MTMR7: variants seen among roughly 807,000 people sequenced by gnomAD.
The protein encoded by MTMR7 is phosphatidylinositol-3-phosphate phosphatase MTMR7.
Under a neutral mutation model 81.2 loss-of-function variants are expected in MTMR7, and 76 were observed. The observed-to-expected ratio is 0.94, with a 90% confidence interval of 0.78 to 1.13. The LOEUF (loss-of-function observed/expected upper bound fraction) is 1.13, where lower values mean the gene tolerates loss of function less well. Ranked by LOEUF, MTMR7 falls within the 50% of genes most tolerant of loss-of-function variation. MTMR7 has a pLI of 0.00. For synonymous variants in MTMR7, 372 were observed against 289.8 expected (o/e 1.28, Z -2.88); for missense variants, 1,044 against 820.0 (o/e 1.27, Z -3.34).
intron 1 of MTMR7, among the ~76,000 whole-genome samples, chr8:17,377,103 C>G (rs1820613677): frequency 6.6e-6 from 1 of 152,014 alleles, no homozygotes; most frequent in Admixed American, 6.6e-5. Context: ...ATGCCCTAGC[C>G]TATTCATGCT....
Position 17,331,208 on chromosome 8 carries a change from C to G in MTMR7, c.807G>C (p.Gln269His). Residue 269 changes from glutamine to histidine, a missense_variant, in exon 7 of 14, where the codon CAG (glutamine) becomes CAC (histidine). Coordinates refer to ENST00000180173, the MANE Select transcript of MTMR7 (RefSeq NM_004686.5). ...CATGGATGTTCTCTATCCCGATAAA[C>G]TGAAACTTGATATTGGAATAATTGT... ...NEDNYSNIKF[Q>H]FIGIENIHVM... 6.2e-7 allele frequency: 1 copy of G among 1,612,752 alleles called. No homozygotes were observed. The highest frequency in any genetic ancestry group is 8.5e-7 in the Non-Finnish European group (1 of 1,179,618).
At chr8:17,374,395 G>A (rs1052142300) in intron 1 of MTMR7, among the ~76,000 whole-genome samples, 48 of 152,166 alleles carry the variant, frequency 3.2e-4, no homozygotes, top group African/African-American at 1.1e-3. Flanking sequence ...GGCCGAGGCA[G>A]GTGGATCACG....
At chr8:17,369,790 C>T (rs763314881) in intron 3 of MTMR7, among the ~76,000 whole-genome samples, 20 of 151,714 alleles carry the variant, frequency 1.3e-4, no homozygotes, top group Middle Eastern at 3.2e-3. Context: ...GGACTACAGG[C>T]GCACACTGCC....
chr8:17,355,044 T>C (rs761271401), intron 4 of MTMR7, among the ~76,000 whole-genome samples: 4 of 152,220 alleles, frequency 2.6e-5, no homozygotes, highest in Admixed American at 6.5e-5. Flanking sequence ...CTGTGCAACG[T>C]AGGACTTAAG....
chr8:17,409,141 G>C (rs1438732250), intron 1 of MTMR7, among the ~76,000 whole-genome samples: 1 of 152,066 alleles, frequency 6.6e-6, no homozygotes, highest in Non-Finnish European at 1.5e-5. Flanking sequence ...AAGAGGCCTG[G>C]ATTAATAAAG....
intron 1 of MTMR7, among the ~76,000 whole-genome samples, chr8:17,402,702 G>A (rs1338906824): frequency 2.6e-5 from 4 of 152,156 alleles, no homozygotes; most frequent in Non-Finnish European, 4.4e-5. Context: ...CGACTTCTGT[G>A]AATAATGCTG....
intron 3 of MTMR7, among the ~76,000 whole-genome samples, chr8:17,370,607 T>C (rs1418784927): frequency 9.5e-6 from 1 of 105,474 alleles, no homozygotes; most frequent in Non-Finnish European, 2.0e-5. Context: ...AAAAAAGCAA[T>C]GGAGACCAAA....
chr8:17,341,528 C>G, intron 5 of MTMR7, 31 bp from the exon 6 acceptor site: 1 of 1,609,854 alleles, frequency 6.2e-7, no homozygotes, highest in Non-Finnish European at 8.5e-7. Context: ...AACACAGCAC[C>G]ATCAGGTAAC....
intron 3 of MTMR7, among the ~76,000 whole-genome samples, chr8:17,364,321 C>A (rs1820155558): frequency 1.3e-5 from 2 of 152,080 alleles, no homozygotes; most frequent in Admixed American, 1.3e-4. Flanking sequence ...GCGTGAGCCA[C>A]CGCGCCCGGT....
chr8:17,344,412 G>C (rs940745348), intron 5 of MTMR7, among the ~76,000 whole-genome samples: 4 of 152,202 alleles, frequency 2.6e-5, no homozygotes, highest in Non-Finnish European at 5.9e-5. Flanking sequence ...AGCAGTTCGA[G>C]ACCAGCCTGG....
intron 7 of MTMR7, among the ~76,000 whole-genome samples, chr8:17,329,950 A>G (rs896141077): frequency 2.0e-5 from 3 of 152,180 alleles, no homozygotes; most frequent in Non-Finnish European, 2.9e-5. Context: ...CAGATGTAGG[A>G]AGGGATTTCT....
chr8:17,406,731 T>C (rs757187736), intron 1 of MTMR7, among the ~76,000 whole-genome samples: 1 of 151,852 alleles, frequency 6.6e-6, no homozygotes, highest in Non-Finnish European at 1.5e-5. Context: ...TGCCAAAAAA[T>C]CTCCCTCAAC....
intron 1 of MTMR7, among the ~76,000 whole-genome samples, chr8:17,409,637 G>A (rs1821686406): frequency 6.6e-6 from 1 of 152,144 alleles, no homozygotes; most frequent in South Asian, 2.1e-4. Flanking sequence ...TCAAGCAGGG[G>A]AGCTTGACAT....
At chr8:17,311,905 G>C in intron 8 of MTMR7, 1 of 375,944 alleles carries the variant, frequency 2.7e-6, no homozygotes, top group Non-Finnish European at 4.8e-6. Context: ...ATAAGCATTC[G>C]TCCTATGCAA....
At chr8:17,385,572 G>A (rs1281157648) in intron 1 of MTMR7, among the ~76,000 whole-genome samples, 1 of 152,178 alleles carries the variant, frequency 6.6e-6, no homozygotes, top group Non-Finnish European at 1.5e-5. Flanking sequence ...ATGTAGAACT[G>A]TGAGTCCATT....
intron 12 of MTMR7, chr8:17,302,481 A>G (rs763890220): frequency 9.9e-5 from 50 of 505,608 alleles, no homozygotes; most frequent in Non-Finnish European, 1.5e-4. Flanking sequence ...TTTGGGGAGA[A>G]TAAGTTTATG....
chr8:17,313,815 T>C (rs1239652002), intron 7 of MTMR7, among the ~76,000 whole-genome samples: 2 of 152,208 alleles, frequency 1.3e-5, no homozygotes, highest in African/African-American at 4.8e-5. Context: ...CACTTAGAAG[T>C]TTCTGTCACC....
Position 17,304,410 on chromosome 8 carries a change from G to A in MTMR7, c.1462C>T (p.Leu488Phe), listed in dbSNP as rs1563314853. Residue 488 changes from leucine (L) to phenylalanine (F), a missense_variant, in exon 12 of 14, where the codon CTC becomes TTC. By Grantham distance (22) the Leu-to-Phe change is conservative. Transcript: ENST00000180173. Reference sequence around the variant, plus strand: ...ATGAAGTTACATGGTGTTGTAGGGAGATGAAGGGTTCCCTGAGTCTGGCTG... The same window carrying A: ...ATGAAGTTACATGGTGTTGTAGGGAAATGAAGGGTTCCCTGAGTCTGGCTG... ...DHSQTQGTLHLPTTPCNFMYK... is the reference protein window; with the variant it reads ...DHSQTQGTLHFPTTPCNFMYK... 6.2e-7 allele frequency: 1 copy of A among 1,614,068 alleles called. No homozygotes were observed. The highest frequency in any genetic ancestry group is 1.7e-5 in the Admixed American group (1 of 60,030).
chr8:17,360,185 G>A (rs1473662189), intron 4 of MTMR7, among the ~76,000 whole-genome samples: 3 of 152,118 alleles, frequency 2.0e-5, no homozygotes, highest in Non-Finnish European at 4.4e-5. Flanking sequence ...CACATGTAAT[G>A]ATTCCATTTT....
Sources: gnomAD v4.1 joint callset for allele counts (sites outside exome capture counted in the v4.1 genomes callset) on GRCh38, gnomAD v4.1.1 for gene constraint, MANE v1.5 for transcripts, NCBI Gene and HGNC (gene_info 2026-07-23, HGNC 2026-07-21) for gene names.